Variants in PCBP4 observed in about 807,000 individuals in gnomAD.
PCBP4 encodes poly(rC) binding protein 4, also known as poly(rC)-binding protein 4.
A neutral mutation model predicts 46.2 loss-of-function variants in PCBP4; 24 were observed. The observed-to-expected ratio is 0.52, with a 90% confidence interval of 0.38 to 0.73. The LOEUF is 0.73. Ranked by LOEUF, PCBP4 falls within the 30% of genes least tolerant of loss-of-function variation. PCBP4 has a pLI of 0.00. For missense variants in PCBP4, 407 were observed against 537.0 expected (o/e 0.76, Z 2.39); for synonymous variants, 203 against 224.4 (o/e 0.90, Z 0.85).
chr3:51,957,847 CT>C lies in PCBP4; in HGVS notation c.*213del. The C allele has an allele frequency of 2.3e-6, 1 of 443,974 alleles. No homozygotes were observed. 27.5% of individuals were successfully genotyped at this position (443,974 alleles called of 1,614,324 possible). A position where few individuals can be genotyped will look rare whatever the true frequency, so the allele number is the denominator to read the frequency against. On this transcript the variant is annotated 3_prime_UTR_variant, in exon 14 of 14. Coordinates refer to ENST00000461554, the MANE Select transcript of PCBP4 (RefSeq NM_001174100.2). ...AGCTGAGGAGGTAGGGCCCCCTGCC[CT>C]GGGGCTGCCGCAGCTCAGACCCCTG...
Position 51,960,147 on chromosome 3 carries a change from C to T in PCBP4, c.387+42G>A, listed in dbSNP as rs1407790188. 1 of 1,614,162 alleles carries T rather than the reference C, an allele frequency of 6.2e-7. No homozygotes were observed. Among genetic ancestry groups the T allele is most frequent in the Admixed American group, 1.7e-5 (1 of 60,038 alleles). ...CCAACACCCCTCTTACAACTGCTCC[C>T]TTGCCCCGGATTCCCTGTGGGTGGT... On this transcript the variant is annotated intron_variant, in intron 7 of 13. Coordinates refer to ENST00000461554, the MANE Select transcript of PCBP4 (RefSeq NM_001174100.2). This position sits in a 1 kb window ranked among gnomAD's most constrained non-coding sequence, Gnocchi z 5.0.
chr3:51,959,229 C>G lies in PCBP4; in HGVS notation c.700G>C (p.Gly234Arg). The stretch of plus-strand genomic sequence containing the variant: ...GCCTCCTTGTGCAGGGGTGGCTTAC[C>G]TGGCACCACGCTGGGTGTGGCAAAG... ...VPFATPSVVP[G>R]LDPGTQTSSQ... Residue 234 changes from glycine (G) to arginine (R), a missense_variant and splice_region_variant, in exon 11 of 14, where the codon GGA (glycine) becomes CGA (arginine). By Grantham distance (125) the Gly-to-Arg change is moderately radical. Coordinates refer to ENST00000461554, the MANE Select transcript of PCBP4 (RefSeq NM_001174100.2). This position sits in a 1 kb window ranked among gnomAD's most constrained non-coding sequence, Gnocchi z 5.6. 1.2e-6 allele frequency: 2 copies of G among 1,613,986 alleles called. No individual in the cohort carries two copies. Among genetic ancestry groups the G allele is most frequent in the Non-Finnish European group, 1.7e-6 (2 of 1,179,954 alleles).
Position 51,961,165 on chromosome 3 carries a change from C to A in PCBP4, c.76G>T (p.Gly26Trp). 1 of 1,613,750 alleles carries A rather than the reference C, an allele frequency of 6.2e-7. No individual in the cohort carries two copies. The highest frequency in any genetic ancestry group is 1.1e-5 in the South Asian group (1 of 91,082). ...GCCCTCCACCTCCCGCTCACCTTCC[C>A]GTGCATCAGCATCCGCAGCGTGAGG... The part of the protein sequence containing the change: ...ITLTLRMLMH[G>W]KEVGSIIGKK... The change falls in exon 3 of 14, where the codon GGG becomes TGG. Residue 26 changes from glycine to tryptophan, a missense_variant. Transcript: ENST00000461554.
rs199990838 is a variant in PCBP4 at position 51,958,757 on chromosome 3, C to T, written c.923+33G>A. 6.1e-5 allele frequency: 98 copies of T among 1,594,746 alleles called. No homozygotes were observed. The highest frequency in any genetic ancestry group is 1.3e-4 in the East Asian group (6 of 44,498). On this transcript the variant is annotated intron_variant, in intron 13 of 13. Coordinates refer to ENST00000461554, the MANE Select transcript of PCBP4 (RefSeq NM_001174100.2). This position sits in a 1 kb window ranked among gnomAD's most constrained non-coding sequence, Gnocchi z 5.4. ...TTCTTGGGCACATGAGAACCGTGAC[C>T]TGCTCCCCCACTGCCGCCCAGCCCG...
intron 1 of PCBP4, 59 bp downstream of exon 1, chr3:51,967,267 C>A (rs1042970006): frequency 6.6e-6 from 1 of 152,068 alleles, no homozygotes; most frequent in Non-Finnish European, 1.5e-5. Flanking sequence ...GGGCTCCCTG[C>A]CCCCGGGCGA....
intron 1 of PCBP4, chr3:51,963,216 C>T (rs1045802814): frequency 2.0e-5 from 3 of 152,260 alleles, no homozygotes; most frequent in Admixed American, 6.5e-5. Context: ...ACAGGAGAAC[C>T]TGATGCCTGG....
Position 51,967,384 on chromosome 3 carries a change from C to A in PCBP4, c.-271G>T. 6.5e-6 allele frequency: 1 copy of A among 152,982 alleles called. No homozygotes were observed. Among genetic ancestry groups the A allele is most frequent in the South Asian group, 1.8e-4 (1 of 5,576 alleles). The allele number at this position is 152,982 out of a possible 1,614,324, so 9.5% of individuals were successfully genotyped here. On this transcript the variant is annotated 5_prime_UTR_variant, in exon 1 of 14. Coordinates refer to ENST00000461554, the MANE Select transcript of PCBP4 (RefSeq NM_001174100.2). ...CGGCACGGCGGCTGGGCCGCTCAGT[C>A]CCACATTGTCCCCGGGAGAGGCGGC... is the stretch of plus-strand genomic sequence containing the variant.
intron 1 of PCBP4, among the ~76,000 whole-genome samples, chr3:51,966,205 G>A (rs1387382516): frequency 6.6e-6 from 1 of 152,122 alleles, no homozygotes; most frequent in Admixed American, 6.5e-5. Flanking sequence ...ACACAGGGTG[G>A]GGCAAGCCAG....
Position 51,959,087 on chromosome 3 carries a change from C to T in PCBP4, c.713G>A (p.Gly238Asp), listed in dbSNP as rs754577296. ...GAACTCCTGTGAGCTGGTCTGTGTG[C>T]CGGGATCCAGTCCTGAGGGGGAGAA... ...TPSVVPGLDP[G>D]TQTSSQEFLV... The change falls in exon 12 of 14, where the codon GGC becomes GAC. Residue 238 changes from glycine to aspartate, a missense_variant. Transcript: ENST00000461554. The surrounding 1 kb of genome is among the most constrained non-coding windows in gnomAD (Gnocchi z 5.6). 6.2e-7 allele frequency: 1 copy of T among 1,613,874 alleles called. No individual in the cohort carries two copies. The highest frequency in any genetic ancestry group is 8.5e-7 in the Non-Finnish European group (1 of 1,179,914).
chr3:51,964,399 G>A (rs1025867473), intron 1 of PCBP4, among the ~76,000 whole-genome samples: 3 of 152,198 alleles, frequency 2.0e-5, no homozygotes, highest in African/African-American at 4.8e-5. Flanking sequence ...CTGGGGCCAG[G>A]CGATTCAAGT....
chr3:51,958,405 C>A lies in PCBP4; in HGVS notation c.924-56G>T. 8.2e-7 allele frequency: 1 copy of A among 1,216,364 alleles called. No individual in the cohort carries two copies. Among genetic ancestry groups the A allele is most frequent in the Non-Finnish European group, 1.1e-6 (1 of 903,792 alleles). The allele number at this position is 1,216,364 out of a possible 1,614,324, so 75.3% of individuals were successfully genotyped here. ...GGGGAAAGTGGGAGTGAGAGAGGGGCAATGAGGGCAGAGATGGGCATGAGA... is the reference window on the plus strand; with the variant it reads ...GGGGAAAGTGGGAGTGAGAGAGGGGAAATGAGGGCAGAGATGGGCATGAGA... On this transcript the variant is annotated intron_variant, in intron 13 of 13. Transcript: ENST00000461554. The surrounding 1 kb of genome is among the most constrained non-coding windows in gnomAD (Gnocchi z 5.4).
At position 51,960,342 on chromosome 3, in the gene PCBP4, T is replaced by C. The variant is rs367990109; in HGVS notation, c.256-22A>G. 13 of 1,609,688 alleles carry C rather than the reference T, an allele frequency of 8.1e-6. No individual in the cohort carries two copies. In the African/African-American group the frequency reaches 1.7e-4, roughly 22 times the overall value. On this transcript the variant is annotated intron_variant, in intron 6 of 13. Transcript: ENST00000461554. This position sits in a 1 kb window ranked among gnomAD's most constrained non-coding sequence, Gnocchi z 5.0. ...GGTCCTGGGACAGGGAGACGGTGGG[T>C]TGGCCATGCTCGTCCCTGCTATATC...
At position 51,959,219 on chromosome 3, in the gene PCBP4, G is replaced by T; in HGVS notation, c.700+10C>A. ...CCCTCCCCCTGCCTCCTTGTGCAGG[G>T]GTGGCTTACCTGGCACCACGCTGGG... On this transcript the variant is annotated intron_variant, in intron 11 of 13. Coordinates refer to ENST00000461554, the MANE Select transcript of PCBP4 (RefSeq NM_001174100.2). This position sits in a 1 kb window ranked among gnomAD's most constrained non-coding sequence, Gnocchi z 5.6. The T allele has an allele frequency of 6.2e-7, 1 of 1,613,922 alleles. No individual in the cohort carries two copies. The highest frequency in any genetic ancestry group is 8.5e-7 in the Non-Finnish European group (1 of 1,179,898).
chr3:51,966,405 G>A (rs978268047), intron 1 of PCBP4, among the ~76,000 whole-genome samples: 1 of 152,166 alleles, frequency 6.6e-6, no homozygotes, highest in Admixed American at 6.5e-5. Context: ...GGGAAGACCA[G>A]GGGATTTTTT....
Position 51,959,365 on chromosome 3 carries a change from A to T in PCBP4, c.636+2T>A. The T allele has an allele frequency of 6.2e-7, 1 of 1,613,000 alleles. No homozygotes were observed. Among genetic ancestry groups the T allele is most frequent in the Non-Finnish European group, 8.5e-7 (1 of 1,179,434 alleles). On this transcript the variant is annotated splice_donor_variant, in intron 10 of 13. Coordinates refer to ENST00000461554, the MANE Select transcript of PCBP4 (RefSeq NM_001174100.2). LOFTEE classifies it high-confidence loss of function. The surrounding 1 kb of genome is among the most constrained non-coding windows in gnomAD (Gnocchi z 5.6). ...GGGTGCCTTGGGCTATGGGTCACTCACCTCAGCTGGGGTCACAGCCCCATA... is the reference window on the plus strand; with the variant it reads ...GGGTGCCTTGGGCTATGGGTCACTCTCCTCAGCTGGGGTCACAGCCCCATA...
Position 51,959,739 on chromosome 3 carries a change from A to T in PCBP4, c.517-88T>A. ...CCAGTGGCCTCAGGCCCCCACCATGACCCCCAGGGAAATGCACATGATCCC... is the reference window on the plus strand; with the variant it reads ...CCAGTGGCCTCAGGCCCCCACCATGTCCCCCAGGGAAATGCACATGATCCC... On this transcript the variant is annotated intron_variant, in intron 8 of 13. Coordinates refer to ENST00000461554, the MANE Select transcript of PCBP4 (RefSeq NM_001174100.2). This position sits in a 1 kb window ranked among gnomAD's most constrained non-coding sequence, Gnocchi z 5.6. 6.8e-7 allele frequency: 1 copy of T among 1,460,070 alleles called. No homozygotes were observed. The highest frequency in any genetic ancestry group is 9.3e-7 in the Non-Finnish European group (1 of 1,071,930). 90.4% of individuals were successfully genotyped at this position (1,460,070 alleles called of 1,614,324 possible).
Position 51,959,604 on chromosome 3 carries a change from T to C in PCBP4, c.564A>G (p.Leu188=). The C allele has an allele frequency of 6.4e-7, 1 of 1,553,098 alleles. No individual in the cohort carries two copies. Among genetic ancestry groups the C allele is most frequent in the Non-Finnish European group, 8.7e-7 (1 of 1,147,542 alleles). The part of the protein sequence containing the change: ...ATIPYHPSLS[L]GTVLLSANQG... ...GGTTGGCAGAGAGAAGAACAGTACCTAGGGAGAGGCTCGGATGGTAGGGGA... is the reference window on the plus strand; with the variant it reads ...GGTTGGCAGAGAGAAGAACAGTACCCAGGGAGAGGCTCGGATGGTAGGGGA... The change falls in exon 9 of 14, where the codon CTA becomes CTG. Residue 188 remains leucine (L), a synonymous_variant. Coordinates refer to ENST00000461554, the MANE Select transcript of PCBP4 (RefSeq NM_001174100.2). This position sits in a 1 kb window ranked among gnomAD's most constrained non-coding sequence, Gnocchi z 5.6.
chr3:51,962,255 T>C (rs558310174), intron 1 of PCBP4, among the ~76,000 whole-genome samples, 167 bp from the exon 2 acceptor site: 1 of 152,234 alleles, frequency 6.6e-6, no homozygotes, highest in African/African-American at 2.4e-5. Context: ...GAAAAGGATT[T>C]GGTGGGCTGC....
chr3:51,960,101 G>A lies in PCBP4; in HGVS notation c.388-78C>T. 1 of 1,613,986 alleles carries A rather than the reference G, an allele frequency of 6.2e-7. No homozygotes were observed. The highest frequency in any genetic ancestry group is 1.7e-5 in the Admixed American group (1 of 60,032). On this transcript the variant is annotated intron_variant, in intron 7 of 13. Coordinates refer to ENST00000461554, the MANE Select transcript of PCBP4 (RefSeq NM_001174100.2). The surrounding 1 kb of genome is among the most constrained non-coding windows in gnomAD (Gnocchi z 5.0). Reference sequence around the variant, plus strand: ...GGCTGCCCAGGCTCAGAGCTCTCTAGGTGGGGAGGACGCCATAAGCCCAAC... The same window carrying A: ...GGCTGCCCAGGCTCAGAGCTCTCTAAGTGGGGAGGACGCCATAAGCCCAAC...
Sources: gnomAD v4.1 joint callset for allele counts (sites outside exome capture counted in the v4.1 genomes callset) on GRCh38, gnomAD v4.1.1 for gene constraint, Gnocchi (gnomAD v3.1) non-coding constraint, MANE v1.5 for transcripts, NCBI Gene and HGNC (gene_info 2026-07-23, HGNC 2026-07-21) for gene names.